ZNF792: variants seen among roughly 807,000 people sequenced by gnomAD.
ZNF792 encodes zinc finger protein 792.
A neutral mutation model predicts 13.1 loss-of-function variants in ZNF792; 14 were observed. The ratio of observed to expected loss-of-function variants is 1.07; its 90% CI spans 0.71 to 1.67. The LOEUF (loss-of-function observed/expected upper bound fraction) is 1.67. Among genes scored for constraint, ZNF792 ranks in the 40% most tolerant of loss-of-function variants. ZNF792 has a pLI of 0.00. For synonymous variants in ZNF792, 257 were observed against 292.0 expected (o/e 0.88, Z 1.22); for missense variants, 740 against 807.9 (o/e 0.92, Z 1.02).
At chr19:34,963,067 G>A (rs1490751502) in intron 1 of ZNF792, among the ~76,000 whole-genome samples, 1 of 152,092 alleles carries the variant, frequency 6.6e-6, no homozygotes, top group Admixed American at 6.5e-5. Context: ...ACTGGCCTGG[G>A]CTATTCCATT....
Position 34,963,685 on chromosome 19 carries a change from G to T in ZNF792, c.-23C>A. On this transcript the variant is annotated 5_prime_UTR_variant, in exon 1 of 4. Coordinates refer to ENST00000404801, the MANE Select transcript of ZNF792 (RefSeq NM_175872.5). ...CATCGGAGTCTGTGGTCAGAGCAGG[G>T]CCCCACGGTGCGGGAAACCACGGGG... is the stretch of plus-strand genomic sequence containing the variant. 1.3e-6 allele frequency: 2 copies of T among 1,579,506 alleles called. No individual in the cohort carries two copies. The highest frequency in any genetic ancestry group is 2.7e-5 in the African/African-American group (2 of 73,396).
chr19:34,961,139 T>C (rs2013522632), intron 1 of ZNF792, 145 bp from the exon 2 acceptor site: 2 of 1,197,258 alleles, frequency 1.7e-6, no homozygotes, highest in Admixed American at 4.7e-5. Flanking sequence ...GACCACTGTG[T>C]CAGCCCGCAG....
Position 34,960,884 on chromosome 19 carries a change from T to G in ZNF792, c.144A>C (p.Ala48=), listed in dbSNP as rs1193137373. Residue 48 remains alanine (A), a synonymous_variant, in exon 2 of 4, where the codon GCA becomes GCC. Coordinates refer to ENST00000404801, the MANE Select transcript of ZNF792 (RefSeq NM_175872.5). The part of the protein sequence containing the change: ...LYCDVMLENF[A]LIASLGLISF... Reference sequence around the variant, plus strand: ...CAGCCTTACCCAGCGAGGCTATAAGTGCAAAGTTTTCCAGCATCACATCGC... The same window carrying G: ...CAGCCTTACCCAGCGAGGCTATAAGGGCAAAGTTTTCCAGCATCACATCGC... The G allele has an allele frequency of 3.1e-6, 5 of 1,613,904 alleles. No homozygotes were observed. In the South Asian group the frequency reaches 5.5e-5, roughly 18 times the overall value.
At chr19:34,963,537 A>C in intron 1 of ZNF792, 93 bp downstream of exon 1, 1 of 1,528,526 alleles carries the variant, frequency 6.5e-7, no homozygotes, top group Non-Finnish European at 8.9e-7. Flanking sequence ...GGAAAGGCGA[A>C]AAGTCCTAGA....
In ZNF792 at chr19:34,963,639, G is replaced by C. The variant is rs747107947; in HGVS notation, c.24C>G (p.Asp8Glu). The C allele has an allele frequency of 6.2e-6, 10 of 1,602,738 alleles. No individual in the cohort carries two copies. The highest frequency in any genetic ancestry group is 7.7e-6 in the Non-Finnish European group (9 of 1,175,716). Reference sequence around the variant, plus strand: ...ACGTCCAAGCACTCACCTGCGCGGGGTCCCGCAGCGCCGCCGCTGCCATCG... The same window carrying C: ...ACGTCCAAGCACTCACCTGCGCGGGCTCCCGCAGCGCCGCCGCTGCCATCG... MAAAALR[D>E]PAQGCVTFED... is the part of the protein sequence containing the mutation. Residue 8 changes from aspartate to glutamate, a missense_variant, in exon 1 of 4, where the codon GAC becomes GAG. Coordinates refer to ENST00000404801, the MANE Select transcript of ZNF792 (RefSeq NM_175872.5).
In ZNF792 at chr19:34,958,252, CATAAG is replaced by C; in HGVS notation, c.1598_1602del (p.Pro533ArgfsTer73). The C allele has an allele frequency of 6.2e-7, 1 of 1,613,958 alleles. No homozygotes were observed. The highest frequency in any genetic ancestry group is 8.5e-7 in the Non-Finnish European group (1 of 1,179,960). ...AAGGTTTTCCCACATTCGCTGCACT[CATAAG>C]GCCGCTCGCCGGTGTGAAGTCTCCG... On this transcript the variant is annotated frameshift_variant, in exon 4 of 4. Coordinates refer to ENST00000404801, the MANE Select transcript of ZNF792 (RefSeq NM_175872.5). LOFTEE classifies it low-confidence loss of function (END_TRUNC).
rs1177548553 is a variant in ZNF792, at chr19:34,957,968, C to G, written c.1887G>C (p.Gly629=). The G allele has an allele frequency of 1.2e-6, 2 of 1,605,500 alleles. No individual in the cohort carries two copies. The highest frequency in any genetic ancestry group is 1.7e-6 in the Non-Finnish European group (2 of 1,174,384). Reference sequence around the variant, plus strand: ...ACAGCTAGCATTCCTAGGGAACCTCCCCAGGGTGGGTACTTGGATGAACAA... The same window carrying G: ...ACAGCTAGCATTCCTAGGGAACCTCGCCAGGGTGGGTACTTGGATGAACAA... ...LKLVHPSTHP[G]EVP Residue 629 remains glycine, a synonymous_variant, in exon 4 of 4, where the codon GGG becomes GGC. Transcript: ENST00000404801.
intron 2 of ZNF792, 36 bp downstream of exon 2, chr19:34,960,832 G>T: frequency 6.2e-7 from 1 of 1,613,708 alleles, no homozygotes. Context: ...AGGCAGAGAG[G>T]AGCTCGGGAC....
At position 34,958,726 on chromosome 19, in the gene ZNF792, G is replaced by A. The variant is rs770180102; in HGVS notation, c.1129C>T (p.Gln377Ter). The change falls in exon 4 of 4, where the codon CAG becomes TAG. Residue 377 changes from glutamine to a stop codon, truncating the protein, a stop_gained. Coordinates refer to ENST00000404801, the MANE Select transcript of ZNF792 (RefSeq NM_175872.5). LOFTEE classifies it low-confidence loss of function (END_TRUNC). ...ECSDCGKFFS[Q>*]RSNLIHHKRV... ...TTATGATGAATGAGGTTGGAACGCT[G>A]GCTGAAGAACTTCCCACAGTCGCTG... The A allele has an allele frequency of 6.2e-7, 1 of 1,614,036 alleles. No individual in the cohort carries two copies. The highest frequency in any genetic ancestry group is 1.1e-5 in the South Asian group (1 of 91,080).
Position 34,960,344 on chromosome 19 carries a change from G to A in ZNF792, c.174C>T (p.Phe58=). ...ALIASLGLIS[F]RSHIVSQLEM... is the part of the protein sequence containing the mutation. Reference sequence around the variant, plus strand: ...CCAACTGGGAAACGATGTGGGACCTGAAAGATATAAGTCCTAAGGGAAAGA... The same window carrying A: ...CCAACTGGGAAACGATGTGGGACCTAAAAGATATAAGTCCTAAGGGAAAGA... The change falls in exon 3 of 4, where the codon TTC becomes TTT. Residue 58 remains phenylalanine, a synonymous_variant. Coordinates refer to ENST00000404801, the MANE Select transcript of ZNF792 (RefSeq NM_175872.5). 1 of 1,613,322 alleles carries A rather than the reference G, an allele frequency of 6.2e-7. No homozygotes were observed. Among genetic ancestry groups the A allele is most frequent in the Non-Finnish European group, 8.5e-7 (1 of 1,179,676 alleles).
At position 34,959,438 on chromosome 19, in the gene ZNF792, T is replaced by C; in HGVS notation, c.417A>G (p.Leu139=). The C allele has an allele frequency of 6.2e-7, 1 of 1,614,138 alleles. No homozygotes were observed. Among genetic ancestry groups the C allele is most frequent in the Non-Finnish European group, 8.5e-7 (1 of 1,179,976 alleles). ...QKTCPCDICG[L]RLKDILHLAE... is the part of the protein sequence containing the mutation. ...CCAAATGCAAAATGTCTTTCAAACG[T>C]AGGCCACATATGTCACAGGGGCAGG... The change falls in exon 4 of 4, where the codon CTA becomes CTG. Residue 139 remains leucine (L), a synonymous_variant. Transcript: ENST00000404801.
rs1287586839 is a variant in ZNF792 at position 34,956,589 on chromosome 19, A to G, written c.*1367T>C. ...AAATATGAATAATTATTGCATGACA[A>G]TCACATATCAACAAAGCATTAAAAG... On this transcript the variant is annotated 3_prime_UTR_variant, in exon 4 of 4. Coordinates refer to ENST00000404801, the MANE Select transcript of ZNF792 (RefSeq NM_175872.5). 7 of 152,246 alleles carry G rather than the reference A, an allele frequency of 4.6e-5. No homozygotes were observed. The highest frequency in any genetic ancestry group is 1.7e-4 in the African/African-American group (7 of 41,456). 9.4% of individuals were successfully genotyped at this position (152,246 alleles called of 1,614,324 possible). A position where few individuals can be genotyped will look rare whatever the true frequency, so the allele number is the denominator to read the frequency against.
At chr19:34,963,554 C>A (rs1194441995) in intron 1 of ZNF792, 76 bp downstream of exon 1, 3 of 1,554,368 alleles carry the variant, frequency 1.9e-6, no homozygotes, top group Non-Finnish European at 2.6e-6. Context: ...TAGAACAAAG[C>A]CATCTTTTGC....
intron 1 of ZNF792, among the ~76,000 whole-genome samples, chr19:34,963,211 C>G (rs2013552954): frequency 6.6e-6 from 1 of 152,122 alleles, no homozygotes; most frequent in Non-Finnish European, 1.5e-5. Flanking sequence ...GCTCCCAACA[C>G]CCTCAGAACA....
In ZNF792 at chr19:34,958,696, C is replaced by T. The variant is rs551779281; in HGVS notation, c.1159G>A (p.Val387Ile). 1.8e-5 allele frequency: 29 copies of T among 1,614,112 alleles called. No individual in the cohort carries two copies. The South Asian group carries it at 3.2e-4, about 18-fold the overall frequency. ...TCATGGGCACTTCTGCCCGTATGAA[C>T]CCTCTTATGATGAATGAGGTTGGAA... is the stretch of plus-strand genomic sequence containing the variant. ...QRSNLIHHKRVHTGRSAHECS... is the reference protein window; with the variant it reads ...QRSNLIHHKRIHTGRSAHECS... Residue 387 changes from valine to isoleucine, a missense_variant, in exon 4 of 4, where the codon GTT (valine) becomes ATT (isoleucine). By Grantham distance (29) the Val-to-Ile change is conservative (BLOSUM62 3). Coordinates refer to ENST00000404801, the MANE Select transcript of ZNF792 (RefSeq NM_175872.5).
Position 34,958,287 on chromosome 19 carries a change from T to C in ZNF792, c.1568A>G (p.Asn523Ser), listed in dbSNP as rs1050210260. 1 of 1,613,442 alleles carries C rather than the reference T, an allele frequency of 6.2e-7. No individual in the cohort carries two copies. The highest frequency in any genetic ancestry group is 1.3e-5 in the African/African-American group (1 of 74,898). Reference protein sequence around the residue: ...KFFNQSSSLNNHRRLHTGERP... With the variant: ...KFFNQSSSLNSHRRLHTGERP... ...CTCGCCGGTGTGAAGTCTCCGGTGGTTATTGAGGCTGGAGCTTTGGTTAAA... is the reference window on the plus strand; with the variant it reads ...CTCGCCGGTGTGAAGTCTCCGGTGGCTATTGAGGCTGGAGCTTTGGTTAAA... The change falls in exon 4 of 4, where the codon AAC becomes AGC. Residue 523 changes from asparagine to serine, a missense_variant. Coordinates refer to ENST00000404801, the MANE Select transcript of ZNF792 (RefSeq NM_175872.5).
In ZNF792 at chr19:34,958,269, G is replaced by T. The variant is rs2013465192; in HGVS notation, c.1586C>A (p.Thr529Asn). 1 of 1,613,972 alleles carries T rather than the reference G, an allele frequency of 6.2e-7. No homozygotes were observed. The highest frequency in any genetic ancestry group is 1.7e-5 in the Admixed American group (1 of 60,026). Residue 529 changes from threonine to asparagine, a missense_variant, in exon 4 of 4, where the codon ACC becomes AAC. Transcript: ENST00000404801. ...GCTGCACTCATAAGGCCGCTCGCCGGTGTGAAGTCTCCGGTGGTTATTGAG... is the reference window on the plus strand; with the variant it reads ...GCTGCACTCATAAGGCCGCTCGCCGTTGTGAAGTCTCCGGTGGTTATTGAG... The part of the protein sequence containing the change: ...SSLNNHRRLH[T>N]GERPYECSEC...
chr19:34,961,189 T>C (rs554902281), intron 1 of ZNF792, among the ~76,000 whole-genome samples, 195 bp from the exon 2 acceptor site: 1 of 152,230 alleles, frequency 6.6e-6, no homozygotes, highest in African/African-American at 2.4e-5. Context: ...CTCTAAGCTC[T>C]GGGCCTGAAG....
chr19:34,961,408 T>C (rs2013526081), intron 1 of ZNF792, among the ~76,000 whole-genome samples: 1 of 152,130 alleles, frequency 6.6e-6, no homozygotes, highest in African/African-American at 2.4e-5. Context: ...TTGCCACTGC[T>C]ACCTTCTCCC....
Sources: gnomAD v4.1 joint callset for allele counts (sites outside exome capture counted in the v4.1 genomes callset) on GRCh38, gnomAD v4.1.1 for gene constraint, MANE v1.5 for transcripts, NCBI Gene and HGNC (gene_info 2026-07-23, HGNC 2026-07-21) for gene names.